Variants in FANCL observed in about 807,000 individuals in gnomAD.
FANCL encodes FA complementation group L, also known as E3 ubiquitin-protein ligase FANCL.
Under a neutral mutation model 59.4 loss-of-function variants are expected in FANCL, and 69 were observed. The ratio of observed to expected loss-of-function variants is 1.16; its 90% CI spans 0.96 to 1.42. The LOEUF (loss-of-function observed/expected upper bound fraction) is 1.42, where lower values mean the gene tolerates loss of function less well. Ranked by LOEUF, FANCL falls within the 40% of genes most tolerant of loss-of-function variation. The probability of loss-of-function intolerance (pLI) is 0.00; values close to 1 mark genes in which losing one functional copy is unlikely to be tolerated. For synonymous variants in FANCL, 180 were observed against 147.1 expected (o/e 1.22, Z -1.62); for missense variants, 519 against 447.2 (o/e 1.16, Z -1.45).
intron 7 of FANCL, among the ~76,000 whole-genome samples, chr2:58,177,489 G>A (rs1279590712): frequency 6.6e-6 from 1 of 151,890 alleles, no homozygotes; most frequent in Non-Finnish European, 1.5e-5. Context: ...TAGGGACATG[G>A]ATGAAACTGG....
At chr2:58,185,041 A>G (rs1046781051) in intron 7 of FANCL, among the ~76,000 whole-genome samples, 11 of 152,142 alleles carry the variant, frequency 7.2e-5, no homozygotes, top group Non-Finnish European at 1.6e-4. Flanking sequence ...CAGGCCAAAC[A>G]AGAGAAACTA....
intron 7 of FANCL, among the ~76,000 whole-genome samples, chr2:58,188,466 GTCTC>G (rs775029963): frequency 4.0e-5 from 6 of 151,296 alleles, no homozygotes; most frequent in Admixed American, 2.0e-4. Context: ...TTGAGATAGG[GTCTC>G]TCTGTCACCC....
intron 6 of FANCL, 93 bp from the exon 7 acceptor site, chr2:58,198,755 C>G: frequency 2.1e-6 from 2 of 973,074 alleles, no homozygotes; most frequent in Non-Finnish European, 3.2e-6. Flanking sequence ...AGGGGCCGGG[C>G]GCGGTGGCTC....
chr2:58,165,969 C>T, intron 7 of FANCL, 95 bp from the exon 8 acceptor site: 1 of 1,304,792 alleles, frequency 7.7e-7, no homozygotes, highest in East Asian at 2.4e-5. Context: ...AAATTTTAAG[C>T]TGTTTCATTT....
chr2:58,230,715 G>T (rs1451511932), intron 2 of FANCL, among the ~76,000 whole-genome samples: 1 of 152,146 alleles, frequency 6.6e-6, no homozygotes, highest in Non-Finnish European at 1.5e-5. Context: ...TAGTGGCAGA[G>T]TAGTTCATTC....
At chr2:58,209,526 T>A (rs1475080647) in intron 5 of FANCL, among the ~76,000 whole-genome samples, 1 of 152,144 alleles carries the variant, frequency 6.6e-6, no homozygotes, top group Non-Finnish European at 1.5e-5. Flanking sequence ...CAAAAAATTA[T>A]CATTATTGGT....
At chr2:58,235,292 AG>A (rs1165363331) in intron 1 of FANCL, among the ~76,000 whole-genome samples, 2 of 152,126 alleles carry the variant, frequency 1.3e-5, no homozygotes, top group African/African-American at 4.8e-5. Flanking sequence ...GGGAACGTAC[AG>A]GAACAGTCTG....
intron 5 of FANCL, among the ~76,000 whole-genome samples, chr2:58,216,209 A>G (rs193062013): frequency 4.2e-4 from 64 of 152,272 alleles, no homozygotes; most frequent in Non-Finnish European, 7.1e-4. Flanking sequence ...AAGGGCAGCA[A>G]TCAGAGGTAG....
intron 7 of FANCL, among the ~76,000 whole-genome samples, chr2:58,189,617 A>G (rs1688730917): frequency 6.6e-6 from 1 of 152,144 alleles, no homozygotes; most frequent in Non-Finnish European, 1.5e-5. Flanking sequence ...TTAAGCAGGA[A>G]AGTATGAACA....
At chr2:58,193,022 A>T (rs1689087525) in intron 7 of FANCL, among the ~76,000 whole-genome samples, 1 of 152,168 alleles carries the variant, frequency 6.6e-6, no homozygotes, top group Admixed American at 6.5e-5. Flanking sequence ...CAAAAATTTT[A>T]AAATACTTAA....
At chr2:58,178,642 G>C (rs1687611727) in intron 7 of FANCL, among the ~76,000 whole-genome samples, 1 of 152,030 alleles carries the variant, frequency 6.6e-6, no homozygotes, top group Admixed American at 6.6e-5. Context: ...ATGGGCAAAA[G>C]CTGGAAGCAT....
chr2:58,199,768 A>G (rs1414542256), intron 6 of FANCL, among the ~76,000 whole-genome samples: 2 of 152,128 alleles, frequency 1.3e-5, no homozygotes, highest in Non-Finnish European at 2.9e-5. Flanking sequence ...TCTTTTCATT[A>G]AAAAGCTAAA....
At chr2:58,241,102 G>T (rs1417598718) in intron 1 of FANCL, 116 bp downstream of exon 1, 2 of 1,078,076 alleles carry the variant, frequency 1.9e-6, no homozygotes, top group Non-Finnish European at 1.4e-6. Flanking sequence ...GTTACGCGCC[G>T]CCCCTCTCAA....
chr2:58,191,407 G>A (rs1158749192), intron 7 of FANCL, among the ~76,000 whole-genome samples: 3 of 151,654 alleles, frequency 2.0e-5, no homozygotes, highest in Non-Finnish European at 4.4e-5. Flanking sequence ...ATAACATTAA[G>A]CATTAAGTTC....
intron 7 of FANCL, among the ~76,000 whole-genome samples, chr2:58,173,172 G>A (rs1033549894): frequency 2.0e-5 from 3 of 152,188 alleles, no homozygotes; most frequent in African/African-American, 7.2e-5. Flanking sequence ...TTGTGTACCT[G>A]AAAGTGACGA....
chr2:58,161,178 C>T (rs1685101861), intron 12 of FANCL, among the ~76,000 whole-genome samples: 1 of 151,972 alleles, frequency 6.6e-6, no homozygotes, highest in African/African-American at 2.4e-5. Context: ...CAACCACCTC[C>T]ACCTCGGGTA....
intron 7 of FANCL, among the ~76,000 whole-genome samples, chr2:58,173,816 G>T (rs1686951265): frequency 6.6e-6 from 1 of 152,054 alleles, no homozygotes; most frequent in Non-Finnish European, 1.5e-5. Context: ...TGGACTAAAT[G>T]CTCCAATTAA....
Position 58,226,788 on chromosome 2 carries a change from G to C in FANCL, c.217-4C>G. 6.2e-7 allele frequency: 1 copy of C among 1,610,378 alleles called. No individual in the cohort carries two copies. ...GATCAGGAGAGTGCTGCATTCTCTA[G>C]ATCAAAATATTTCCAATTAATTTCA... is the stretch of plus-strand genomic sequence containing the variant. On this transcript the variant is annotated splice_polypyrimidine_tract_variant and splice_region_variant and intron_variant, in intron 3 of 13. Transcript: ENST00000233741.
chr2:58,160,640 T>C (rs548156055), intron 12 of FANCL, among the ~76,000 whole-genome samples: 8 of 152,090 alleles, frequency 5.3e-5, no homozygotes, highest in Middle Eastern at 3.4e-3. Context: ...TTTCAACCCA[T>C]TGATTATAAG....
Sources: allele counts gnomAD v4.1 joint callset (sites outside exome capture counted in the v4.1 genomes callset), GRCh38; gene constraint gnomAD v4.1.1; transcripts MANE v1.5; gene names NCBI Gene and HGNC (gene_info 2026-07-23, HGNC 2026-07-21).